SNX1: variants seen among roughly 807,000 people sequenced by gnomAD.
SNX1 encodes sorting nexin 1, also known as sorting nexin-1.
SNX1 carries 36 observed loss-of-function variants against 71.8 expected under a neutral mutation model. The ratio of observed to expected loss-of-function variants is 0.50; its 90% CI spans 0.38 to 0.66. The LOEUF (loss-of-function observed/expected upper bound fraction) is 0.66, where lower values mean the gene tolerates loss of function less well. Among genes scored for constraint, SNX1 ranks in the 30% least tolerant of loss-of-function variants. The probability of loss-of-function intolerance (pLI) is 0.00; values close to 1 mark genes in which losing one functional copy is unlikely to be tolerated. For synonymous variants in SNX1, 254 were observed against 240.7 expected, an observed-to-expected ratio of 1.06 and a Z score of -0.51; for missense variants, 612 against 646.7, an observed-to-expected ratio of 0.95 and a Z score of 0.58.
In SNX1 at chr15:64,126,099, A is replaced by G; in HGVS notation, c.531A>G (p.Arg177=). Residue 177 remains arginine (R), a synonymous_variant, in exon 6 of 15, where the codon AGA becomes AGG. Coordinates refer to ENST00000559844, the MANE Select transcript of SNX1 (RefSeq NM_003099.5). ...CCAAGACAAGCTTACCATTGTTCAGAAGCAAACAGTTTGCAGTAAAAAGAA... is the reference window on the plus strand; with the variant it reads ...CCAAGACAAGCTTACCATTGTTCAGGAGCAAACAGTTTGCAGTAAAAAGAA... The part of the protein sequence containing the change: ...VTTQTSLPLF[R]SKQFAVKRRF... 6.2e-7 allele frequency: 1 copy of G among 1,614,198 alleles called. No individual in the cohort carries two copies. Among genetic ancestry groups the G allele is most frequent in the Non-Finnish European group, 8.5e-7 (1 of 1,180,030 alleles).
In SNX1 at chr15:64,143,353, G is replaced by T. The variant is rs965688351; in HGVS notation, c.*5735G>T. ...TAACTGCATCTTGTGATAAAGTTGGGTGATTTACAGTCTCCACCAAATGCT... is the reference window on the plus strand; with the variant it reads ...TAACTGCATCTTGTGATAAAGTTGGTTGATTTACAGTCTCCACCAAATGCT... On this transcript the variant is annotated 3_prime_UTR_variant, in exon 15 of 15. Transcript: ENST00000559844. 1 of 152,212 alleles carries T rather than the reference G, an allele frequency of 6.6e-6. No homozygotes were observed. Among genetic ancestry groups the T allele is most frequent in the Non-Finnish European group, 1.5e-5 (1 of 68,058 alleles). The allele number at this position is 152,212 out of a possible 1,614,324, so 9.4% of individuals were successfully genotyped here. A position where few individuals can be genotyped will look rare whatever the true frequency, so the allele number is the denominator to read the frequency against.
At position 64,137,772 on chromosome 15, in the gene SNX1, C is replaced by T; in HGVS notation, c.*154C>T. The stretch of plus-strand genomic sequence containing the variant: ...GACCAACTGTCCCCAGTTACTCTAA[C>T]CGTTATTTCATTTAGCTTCCATATA... On this transcript the variant is annotated 3_prime_UTR_variant, in exon 15 of 15. Coordinates refer to ENST00000559844, the MANE Select transcript of SNX1 (RefSeq NM_003099.5). The T allele has an allele frequency of 1.4e-6, 2 of 1,453,004 alleles. No homozygotes were observed. Among genetic ancestry groups the T allele is most frequent in the Non-Finnish European group, 1.8e-6 (2 of 1,100,870 alleles). 90.0% of individuals were successfully genotyped at this position (1,453,004 alleles called of 1,614,324 possible).
chr15:64,130,364 G>T (rs2081294376), intron 10 of SNX1, 43 bp downstream of exon 10: 2 of 1,514,022 alleles, frequency 1.3e-6, no homozygotes, highest in South Asian at 1.1e-5. Context: ...GGAAATTGTT[G>T]TCTCTAGTGA....
Position 64,138,627 on chromosome 15 carries a change from G to A in SNX1, c.*1009G>A, listed in dbSNP as rs1225526759. ...GAGGTTCAAAGAAGCTCTACTGTCTGTGCCCAGGAGGTAGCCTGCCAGCAA... is the reference window on the plus strand; with the variant it reads ...GAGGTTCAAAGAAGCTCTACTGTCTATGCCCAGGAGGTAGCCTGCCAGCAA... On this transcript the variant is annotated 3_prime_UTR_variant, in exon 15 of 15. Coordinates refer to ENST00000559844, the MANE Select transcript of SNX1 (RefSeq NM_003099.5). 3.8e-5 allele frequency: 6 copies of A among 156,978 alleles called. No homozygotes were observed. In the East Asian group the frequency reaches 5.7e-4, roughly 15 times the overall value. 9.7% of individuals were successfully genotyped at this position (156,978 alleles called of 1,614,324 possible). A position where few individuals can be genotyped will look rare whatever the true frequency, so the allele number is the denominator to read the frequency against.
At chr15:64,130,673 A>T (rs1281474787) in intron 10 of SNX1, among the ~76,000 whole-genome samples, 1 of 152,230 alleles carries the variant, frequency 6.6e-6, no homozygotes, top group Admixed American at 6.5e-5. Context: ...CGTAAATGCA[A>T]GGAAACCACC....
intron 9 of SNX1, 51 bp downstream of exon 9, chr15:64,130,080 C>A: frequency 6.7e-7 from 1 of 1,493,838 alleles, no homozygotes; most frequent in South Asian, 1.1e-5. Context: ...GCTTATGGGT[C>A]AGAACCCCTA....
chr15:64,121,144 G>A (rs952900914), intron 4 of SNX1, among the ~76,000 whole-genome samples: 1 of 152,214 alleles, frequency 6.6e-6, no homozygotes, highest in African/African-American at 2.4e-5. Flanking sequence ...GGAATAAGAT[G>A]AATGAATGGC....
At position 64,142,590 on chromosome 15, in the gene SNX1, G is replaced by A; in HGVS notation, c.*4972G>A. 1 of 455,682 alleles carries A rather than the reference G, an allele frequency of 2.2e-6. No individual in the cohort carries two copies. The highest frequency in any genetic ancestry group is 4.4e-6 in the Non-Finnish European group (1 of 226,618). 28.2% of individuals were successfully genotyped at this position (455,682 alleles called of 1,614,324 possible). A position where few individuals can be genotyped will look rare whatever the true frequency, so the allele number is the denominator to read the frequency against. ...TGTAGGTGGAGGGGAGGCCGAAGAG[G>A]GGAAGTTTCATGCTTGATAATTAAA... is the stretch of plus-strand genomic sequence containing the variant. On this transcript the variant is annotated 3_prime_UTR_variant, in exon 15 of 15. Coordinates refer to ENST00000559844, the MANE Select transcript of SNX1 (RefSeq NM_003099.5).
Position 64,131,677 on chromosome 15 carries a change from C to G in SNX1, c.1016-10C>G, listed in dbSNP as rs1410488313. On this transcript the variant is annotated splice_polypyrimidine_tract_variant and intron_variant, in intron 10 of 14. Coordinates refer to ENST00000559844, the MANE Select transcript of SNX1 (RefSeq NM_003099.5). ...TCAGAGAGGCCTCTGCTGTCTTTTC[C>G]TCCTTCCAGAGCTAGCGCTGAACAC... 14 of 1,613,232 alleles carry G rather than the reference C, an allele frequency of 8.7e-6. No individual in the cohort carries two copies. Among genetic ancestry groups the G allele is most frequent in the Non-Finnish European group, 1.2e-5 (14 of 1,179,688 alleles).
intron 2 of SNX1, among the ~76,000 whole-genome samples, chr15:64,115,254 A>C (rs1323336127): frequency 6.6e-6 from 1 of 152,204 alleles, no homozygotes; most frequent in Non-Finnish European, 1.5e-5. Flanking sequence ...TAGTTTTTTA[A>C]GTAGCCAATA....
chr15:64,112,172 TG>T (rs1044247366), intron 1 of SNX1, among the ~76,000 whole-genome samples: 1 of 152,254 alleles, frequency 6.6e-6, no homozygotes, highest in African/African-American at 2.4e-5. Context: ...AGAGTAAGCA[TG>T]GGTCAGAGCT....
At chr15:64,113,415 G>A (rs1245785558) in intron 2 of SNX1, among the ~76,000 whole-genome samples, 14 of 152,116 alleles carry the variant, frequency 9.2e-5, no homozygotes, top group Admixed American at 8.5e-4. Context: ...GTTATCTAGT[G>A]GGTAGAGGCC....
rs377661449 is a variant in SNX1, at chr15:64,134,839, G to A, written c.1365+32G>A. The A allele has an allele frequency of 1.0e-4, 169 of 1,611,092 alleles. No individual in the cohort carries two copies. The highest frequency in any genetic ancestry group is 1.3e-4 in the Non-Finnish European group (154 of 1,178,888). On this transcript the variant is annotated intron_variant, in intron 12 of 14. Coordinates refer to ENST00000559844, the MANE Select transcript of SNX1 (RefSeq NM_003099.5). This position sits in a 1 kb window ranked among gnomAD's most constrained non-coding sequence, Gnocchi z 4.1. ...CCACTGAGGCAGCCCAGCCAGGGGT[G>A]TTCTGCTGGTTCCAAATGAACCCAG...
In SNX1 at chr15:64,112,593, G is replaced by A. The variant is rs760706382; in HGVS notation, c.180G>A (p.Lys60=). Residue 60 remains lysine (K), a synonymous_variant, in exon 2 of 15, where the codon AAG becomes AAA. Transcript: ENST00000559844. ...TTCAGAGTAAACATCAGTCTCCAAA[G>A]ATAACTACATCCCTTCTTCCCATCA... The part of the protein sequence containing the change: ...AAVVSKHQSP[K]ITTSLLPINN... The A allele has an allele frequency of 2.5e-6, 4 of 1,610,540 alleles. No homozygotes were observed. Among genetic ancestry groups the A allele is most frequent in the Non-Finnish European group, 3.4e-6 (4 of 1,177,588 alleles).
At chr15:64,118,671 G>A (rs2081158184) in intron 3 of SNX1, 117 bp from the exon 4 acceptor site, 1 of 737,120 alleles carries the variant, frequency 1.4e-6, no homozygotes. Flanking sequence ...ATGGACAAAA[G>A]CTGAACACTG....
chr15:64,133,663 G>A (rs1294340643), intron 11 of SNX1, among the ~76,000 whole-genome samples: 4 of 152,222 alleles, frequency 2.6e-5, no homozygotes, highest in Non-Finnish European at 4.4e-5. Context: ...CCAGGAGGTG[G>A]AGGTTGCAGT....
intron 1 of SNX1, among the ~76,000 whole-genome samples, chr15:64,100,731 A>G (rs1428295400): frequency 6.6e-6 from 1 of 152,178 alleles, no homozygotes; most frequent in African/African-American, 2.4e-5. Flanking sequence ...GCAGGAAAGG[A>G]CATGGTCTTT....
At chr15:64,130,086 C>A in intron 9 of SNX1, 57 bp downstream of exon 9, 1 of 1,480,994 alleles carries the variant, frequency 6.8e-7, no homozygotes, top group Non-Finnish European at 9.4e-7. Flanking sequence ...GGGTCAGAAC[C>A]CCTAAGGAGT....
At position 64,100,795 on chromosome 15, in the gene SNX1, A is replaced by G. The variant is rs191001403; in HGVS notation, c.159+4623A>G. On this transcript the variant is annotated intron_variant, in intron 1 of 14. Coordinates refer to ENST00000559844, the MANE Select transcript of SNX1 (RefSeq NM_003099.5). The stretch of plus-strand genomic sequence containing the variant: ...CTATAACATCTTGCGAGAGAAGGCA[A>G]AAGCTTTTTATTTGTTTGTTGATAA... Among the ~76,000 whole-genome samples, 23 of 151,832 alleles carry G rather than the reference A, an allele frequency of 1.5e-4. No homozygotes were observed. In the East Asian group the frequency reaches 4.3e-3, roughly 28 times the overall value.
Sources: gnomAD v4.1 joint callset for allele counts (sites outside exome capture counted in the v4.1 genomes callset) on GRCh38, gnomAD v4.1.1 for gene constraint, Gnocchi (gnomAD v3.1) non-coding constraint, MANE v1.5 for transcripts, NCBI Gene and HGNC (gene_info 2026-07-23, HGNC 2026-07-21) for gene names.